ABCB5: variants seen among roughly 807,000 people sequenced by gnomAD.
ABCB5 encodes ATP binding cassette subfamily B member 5.
Under a neutral mutation model 144.2 loss-of-function variants are expected in ABCB5, and 155 were observed. The ratio of observed to expected loss-of-function variants is 1.08; its 90% CI spans 0.94 to 1.23. The LOEUF (loss-of-function observed/expected upper bound fraction) is 1.23, where lower values mean the gene tolerates loss of function less well. Ranked by LOEUF, ABCB5 falls within the 50% of genes most tolerant of loss-of-function variation. ABCB5 has a pLI of 0.00. For missense variants in ABCB5, 1,830 were observed against 1,520.8 expected (o/e 1.20, Z -3.38); for synonymous variants, 610 against 528.6 (o/e 1.15, Z -2.11).
Position 20,646,157 on chromosome 7 carries a change from C to G in ABCB5, c.981+19C>G, listed in dbSNP as rs1301304653. ...TCTTGCTGTAAGTCTTGTTTGAGAA[C>G]AAGGTGTCAGGCCTGGATAATCTTT... On this transcript the variant is annotated intron_variant, in intron 9 of 27. Coordinates refer to ENST00000404938, the MANE Select transcript of ABCB5 (RefSeq NM_001163941.2). The G allele has an allele frequency of 1.9e-6, 3 of 1,604,438 alleles. No individual in the cohort carries two copies. Among genetic ancestry groups the G allele is most frequent in the Non-Finnish European group, 2.5e-6 (3 of 1,176,696 alleles).
chr7:20,663,014 TCTC>T (rs968097476), intron 14 of ABCB5, among the ~76,000 whole-genome samples: 3 of 152,200 alleles, frequency 2.0e-5, no homozygotes, highest in African/African-American at 7.2e-5. Flanking sequence ...AGACATTTAT[TCTC>T]CTGTTTTACA....
chr7:20,658,076 A>G (rs1273511446), intron 13 of ABCB5, among the ~76,000 whole-genome samples: 1 of 152,180 alleles, frequency 6.6e-6, no homozygotes, highest in East Asian at 1.9e-4. Context: ...ATTTTTTTTC[A>G]TGCTGTTTTT....
At chr7:20,646,284 C>G in intron 9 of ABCB5, 146 bp downstream of exon 9, 1 of 784,684 alleles carries the variant, frequency 1.3e-6, no homozygotes, top group Non-Finnish European at 2.0e-6. Flanking sequence ...CTGTATACAC[C>G]TTTAAATTAT....
In ABCB5 at chr7:20,728,431, G is replaced by A. The variant is rs200559589; in HGVS notation, c.2843G>A (p.Arg948Gln). The part of the protein sequence containing the change: ...RFGAYLIQAG[R>Q]MTPEGMFIVF... Reference sequence around the variant, plus strand: ...GGAGCCTATTTAATTCAAGCTGGACGAATGACCCCAGAGGGCATGTTCATG... The same window carrying A: ...GGAGCCTATTTAATTCAAGCTGGACAAATGACCCCAGAGGGCATGTTCATG... Residue 948 changes from arginine to glutamine, a missense_variant, in exon 23 of 28, where the codon CGA becomes CAA. Transcript: ENST00000404938. 1.2e-5 allele frequency: 19 copies of A among 1,613,944 alleles called. No homozygotes were observed. In the African/African-American group the frequency reaches 1.3e-4, roughly 11 times the overall value.
At chr7:20,692,809 G>A (rs1232115013) in intron 16 of ABCB5, among the ~76,000 whole-genome samples, 2 of 152,052 alleles carry the variant, frequency 1.3e-5, no homozygotes, top group Non-Finnish European at 2.9e-5. Context: ...GTTAAGGACA[G>A]CCAAAGTAAT....
At chr7:20,647,218 C>G in intron 9 of ABCB5, 4 of 993,650 alleles carry the variant, frequency 4.0e-6, no homozygotes, top group Non-Finnish European at 3.7e-6. Context: ...ATGGTCAGCA[C>G]ACTTCAGTTA....
intron 14 of ABCB5, among the ~76,000 whole-genome samples, chr7:20,680,549 G>A (rs1006672993): frequency 4.8e-5 from 7 of 146,068 alleles, no homozygotes; most frequent in East Asian, 2.0e-4. Flanking sequence ...CAGCCTGGGC[G>A]ACAGAGCCAG....
At chr7:20,667,701 GCCCCTGCCCCTGCCCCTGCCCCT>G (rs1562551005) in intron 14 of ABCB5, 4 of 143,942 alleles carry the variant, frequency 2.8e-5, no homozygotes, top group African/African-American at 7.9e-5. Flanking sequence ...CCCTGCCCCT[GCCCCTGCCCCTGCCCCTGCCCCT>G]GCCCCTGCCT....
Position 20,755,589 on chromosome 7 carries a change from T to C in ABCB5, c.3739T>C (p.Tyr1247His). 6.2e-7 allele frequency: 1 copy of C among 1,614,214 alleles called. No homozygotes were observed. The highest frequency in any genetic ancestry group is 8.5e-7 in the Non-Finnish European group (1 of 1,180,038). ...HQELLRNRDI[Y>H]FKLVNAQSVQ ...AGAGCTCCTGAGAAATCGAGACATATATTTTAAGTTAGTGAATGCACAGTC... is the reference window on the plus strand; with the variant it reads ...AGAGCTCCTGAGAAATCGAGACATACATTTTAAGTTAGTGAATGCACAGTC... The change falls in exon 28 of 28, where the codon TAT becomes CAT. Residue 1247 changes from tyrosine to histidine, a missense_variant. Physicochemically the swap from Tyr to His is moderately conservative, Grantham distance 83. Transcript: ENST00000404938.
chr7:20,645,711 T>C, intron 7 of ABCB5, 45 bp from the exon 8 acceptor site: 2 of 1,608,320 alleles, frequency 1.2e-6, no homozygotes, highest in South Asian at 2.2e-5. Context: ...AGAACATTAT[T>C]ACTACACAGA....
Position 20,669,704 on chromosome 7 carries a change from A to C in ABCB5, c.1707+11028A>C, listed in dbSNP as rs1231848346. Among the ~76,000 whole-genome samples, 4 of 129,526 alleles carry C rather than the reference A, an allele frequency of 3.1e-5. No individual in the cohort carries two copies. In the East Asian group the frequency reaches 9.6e-4, roughly 31 times the overall value. The allele number at this position is 129,526 out of a possible 152,430, so 85.0% of individuals were successfully genotyped here. On this transcript the variant is annotated intron_variant, in intron 14 of 27. Transcript: ENST00000404938. ...CCCTGCCAAATCCCCCTCTGCGAGA[A>C]ACACCCAAGAATGATCAATAAAAAA...
chr7:20,685,100 C>G (rs564850972), intron 15 of ABCB5, among the ~76,000 whole-genome samples: 281 of 152,320 alleles, frequency 1.8e-3, no homozygotes, highest in Non-Finnish European at 2.7e-3. Flanking sequence ...ATCCGCACGT[C>G]TCGGTTTCCC....
At chr7:20,629,084 G>A (rs185990370) in intron 4 of ABCB5, among the ~76,000 whole-genome samples, 1 of 150,486 alleles carries the variant, frequency 6.6e-6, no homozygotes, top group East Asian at 2.0e-4. Flanking sequence ...TATTAGTCAG[G>A]GTTCTCCAGA....
At chr7:20,739,623 A>C (rs1782497727) in intron 24 of ABCB5, among the ~76,000 whole-genome samples, 1 of 152,044 alleles carries the variant, frequency 6.6e-6, no homozygotes, top group Admixed American at 6.6e-5. Context: ...ATGCTATGAG[A>C]ATGTTCTTGA....
At chr7:20,659,161 C>A (rs1784913693) in intron 14 of ABCB5, 1 of 1,613,542 alleles carries the variant, frequency 6.2e-7, no homozygotes, top group East Asian at 2.2e-5. Flanking sequence ...CCCCTCAAAC[C>A]TCACCCTGAC....
intron 26 of ABCB5, among the ~76,000 whole-genome samples, chr7:20,752,322 T>C (rs1271297001): frequency 6.6e-6 from 1 of 152,160 alleles, no homozygotes; most frequent in East Asian, 1.9e-4. Context: ...GCAAAGTCAA[T>C]GGGACAATCT....
At chr7:20,719,204 A>T (rs1781781622) in intron 20 of ABCB5, among the ~76,000 whole-genome samples, 1 of 152,078 alleles carries the variant, frequency 6.6e-6, no homozygotes, top group Admixed American at 6.6e-5. Flanking sequence ...ACTGTGGTCA[A>T]TTCTGTCTTT....
At chr7:20,616,470 T>C (rs1783687549) in intron 1 of ABCB5, among the ~76,000 whole-genome samples, 1 of 152,266 alleles carries the variant, frequency 6.6e-6, no homozygotes, top group African/African-American at 2.4e-5. Flanking sequence ...ATGGGTATTT[T>C]GTCCTATGAT....
chr7:20,657,576 A>T (rs1784849717), intron 13 of ABCB5, among the ~76,000 whole-genome samples: 1 of 152,238 alleles, frequency 6.6e-6, no homozygotes, highest in Non-Finnish European at 1.5e-5. Flanking sequence ...AAATTCATGT[A>T]TAGTGATAAA....
Sources: allele counts gnomAD v4.1 joint callset (sites outside exome capture counted in the v4.1 genomes callset), GRCh38; gene constraint gnomAD v4.1.1; transcripts MANE v1.5; gene names NCBI Gene and HGNC (gene_info 2026-07-23, HGNC 2026-07-21).